Variants in GPLD1 observed in about 807,000 individuals in gnomAD.
GPLD1 encodes the protein glycosylphosphatidylinositol specific phospholipase D1.
A neutral mutation model predicts 112.6 loss-of-function variants in GPLD1; 84 were observed. That is an observed-to-expected ratio of 0.75 (90% CI 0.63 to 0.89). The LOEUF (loss-of-function observed/expected upper bound fraction) is 0.89. GPLD1 is among the 40% of genes least tolerant of loss of function. The pLI is 0.00. For synonymous variants in GPLD1, 386 were observed against 403.8 expected, an observed-to-expected ratio of 0.96 and a Z score of 0.53; for missense variants, 1,044 against 1,051.5, an observed-to-expected ratio of 0.99 and a Z score of 0.10.
intron 24 of GPLD1, among the ~76,000 whole-genome samples, chr6:24,430,600 CTACT>C (rs4052663): frequency 0.61 from 92,436 of 151,542 alleles, 28,761 homozygotes; most frequent in Middle Eastern, 0.68. Context: ...AGTGAGAGCA[CTACT>C]TACTTAAGTA....
At chr6:24,470,302 T>C (rs893433640) in intron 7 of GPLD1, among the ~76,000 whole-genome samples, 3 of 152,204 alleles carry the variant, frequency 2.0e-5, no homozygotes, top group African/African-American at 7.2e-5. Context: ...GAGACTTTAA[T>C]GCAGCAACTA....
At position 24,437,112 on chromosome 6, in the gene GPLD1, C is replaced by T. The variant is rs750676628; in HGVS notation, c.2197+1G>A. On this transcript the variant is annotated splice_donor_variant, in intron 21 of 24. Transcript: ENST00000230036. LOFTEE classifies it high-confidence loss of function. ...GTCAAAGGGTCCTGTTCCTTTCTTACCTAAGCCATCATCATCCAGGTCACT... is the reference window on the plus strand; with the variant it reads ...GTCAAAGGGTCCTGTTCCTTTCTTATCTAAGCCATCATCATCCAGGTCACT... 6.2e-7 allele frequency: 1 copy of T among 1,613,718 alleles called. No individual in the cohort carries two copies. Among genetic ancestry groups the T allele is most frequent in the Admixed American group, 1.7e-5 (1 of 60,006 alleles).
At chr6:24,493,767 T>G (rs181248725), upstream of GPLD1, among the ~76,000 whole-genome samples, 1 of 152,332 alleles carries the variant, frequency 6.6e-6, no homozygotes, top group Non-Finnish European at 1.5e-5. Context: ...AGTCAAAATT[T>G]AAAGTTACTG....
At chr6:24,489,898 T>C (rs764715374), upstream of GPLD1, among the ~76,000 whole-genome samples, 2 of 152,244 alleles carry the variant, frequency 1.3e-5, no homozygotes, top group East Asian at 3.8e-4. Context: ...AAGGCTCACC[T>C]GTGCAGATAG....
Position 24,448,031 on chromosome 6 carries a change from G to C in GPLD1, c.1524C>G (p.Asp508Glu), listed in dbSNP as rs749029264. Residue 508 changes from aspartate to glutamate, a missense_variant and splice_region_variant, in exon 17 of 25, where the codon GAC becomes GAG. Coordinates refer to ENST00000230036, the MANE Select transcript of GPLD1 (RefSeq NM_001503.4). ...SSPNITISCQ[D>E]IYCNLGWTLL... is the part of the protein sequence containing the mutation. ...GAGTCCAGCCCAAGTTACAGTAGAT[G>C]TCCTTAAGAAGAAACCAGGAAAGCA... 1.2e-6 allele frequency: 2 copies of C among 1,613,638 alleles called. No individual in the cohort carries two copies. Among genetic ancestry groups the C allele is most frequent in the Non-Finnish European group, 1.7e-6 (2 of 1,179,878 alleles).
chr6:24,454,119 T>C lies in GPLD1; in HGVS notation c.1231A>G (p.Ile411Val), dbSNP rs757637297. The change falls in exon 14 of 25, where the codon ATC becomes GTC. Residue 411 changes from isoleucine (I) to valine (V), a missense_variant. By Grantham distance (29) the Ile-to-Val change is conservative. Transcript: ENST00000230036. The stretch of plus-strand genomic sequence containing the variant: ...ATGAGGTACACGCGCCCGATGTGGA[T>C]GTGGCCGGGGCGGCTGTAGCCTGGT... ...GAPGYSRPGH[I>V]HIGRVYLIYG... The C allele has an allele frequency of 8.1e-6, 13 of 1,614,142 alleles. No homozygotes were observed. Among genetic ancestry groups the C allele is most frequent in the Admixed American group, 1.7e-5 (1 of 60,028 alleles).
At chr6:24,491,113 C>T (rs10456305), upstream of GPLD1, among the ~76,000 whole-genome samples, 70,117 of 151,984 alleles carry the variant, frequency 0.46, 17,119 homozygotes, top group Middle Eastern at 0.58. Context: ...AGCCAAAGAG[C>T]CAGCTGCCCC....
At chr6:24,494,839 G>A in intron 1 of GPLD1, 1 of 820,074 alleles carries the variant, frequency 1.2e-6, no homozygotes, top group South Asian at 6.4e-5. Context: ...GACGCGGAGA[G>A]AGGGCGCTGC....
At chr6:24,434,699 G>A (rs561579567) in intron 22 of GPLD1, among the ~76,000 whole-genome samples, 2 of 151,492 alleles carry the variant, frequency 1.3e-5, no homozygotes, top group African/African-American at 2.4e-5. Context: ...TTAGCCAGGC[G>A]TGGTAGTGGG....
chr6:24,435,213 G>A (rs1305989281), intron 22 of GPLD1, among the ~76,000 whole-genome samples: 1 of 151,500 alleles, frequency 6.6e-6, no homozygotes, highest in Non-Finnish European at 1.5e-5. Flanking sequence ...GGGTTTCACA[G>A]TGTTAGCCAG....
chr6:24,466,965 T>C (rs745784593), intron 8 of GPLD1, 26 bp from the exon 9 acceptor site: 1 of 1,599,188 alleles, frequency 6.3e-7, no homozygotes, highest in South Asian at 1.1e-5. Context: ...TAATTTTGGC[T>C]GTGAGTTGCA....
chr6:24,433,753 C>T (rs1762483684), intron 22 of GPLD1, among the ~76,000 whole-genome samples: 1 of 151,950 alleles, frequency 6.6e-6, no homozygotes, highest in African/African-American at 2.4e-5. Flanking sequence ...CCTCAGCCTC[C>T]CAAAGTGCTG....
At chr6:24,487,131 T>C (rs1030924686) in intron 1 of GPLD1, among the ~76,000 whole-genome samples, 1 of 144,738 alleles carries the variant, frequency 6.9e-6, no homozygotes, top group Non-Finnish European at 1.5e-5. Flanking sequence ...CTATTGCCAC[T>C]ACTATAAGCA....
intron 7 of GPLD1, among the ~76,000 whole-genome samples, chr6:24,471,452 T>C (rs547673448): frequency 1.3e-5 from 2 of 151,806 alleles, no homozygotes; most frequent in Admixed American, 6.6e-5. Context: ...GCCACAGAGT[T>C]AGACTGGCTC....
At chr6:24,436,811 T>A in intron 21 of GPLD1, 75 bp from the exon 22 acceptor site, 3 of 1,427,644 alleles carry the variant, frequency 2.1e-6, no homozygotes, top group Non-Finnish European at 2.9e-6. Context: ...CGCTACTGGA[T>A]CCTAACCCAA....
chr6:24,493,530 C>T (rs537111374), upstream of GPLD1, among the ~76,000 whole-genome samples: 2 of 152,120 alleles, frequency 1.3e-5, no homozygotes, highest in South Asian at 4.2e-4. Context: ...CAAAACAAAA[C>T]AAAAACAAAA....
intron 20 of GPLD1, among the ~76,000 whole-genome samples, chr6:24,445,150 C>A (rs181505876): frequency 1.9e-4 from 29 of 152,222 alleles, no homozygotes; most frequent in Non-Finnish European, 4.0e-4. Flanking sequence ...GCCTCAGCCT[C>A]CCGAGTAGCT....
intron 21 of GPLD1, 39 bp from the exon 22 acceptor site, chr6:24,436,775 T>C (rs780343956): frequency 6.3e-7 from 1 of 1,595,856 alleles, no homozygotes; most frequent in Non-Finnish European, 8.6e-7. Context: ...AGTATTTGAC[T>C]CCTCACTGTC....
chr6:24,447,741 T>C, intron 17 of GPLD1, 136 bp downstream of exon 17: 3 of 822,606 alleles, frequency 3.6e-6, no homozygotes, highest in South Asian at 1.9e-5. Context: ...AACACATCTT[T>C]AAGAGTAACA....
Sources: gnomAD v4.1 joint callset for allele counts (sites outside exome capture counted in the v4.1 genomes callset) on GRCh38, gnomAD v4.1.1 for gene constraint, MANE v1.5 for transcripts, NCBI Gene and HGNC (gene_info 2026-07-23, HGNC 2026-07-21) for gene names.